The following CFAP97 variants were observed in gnomAD, a reference collection of about 807,000 sequenced individuals.
The protein encoded by CFAP97 is cilia and flagella associated protein 97, also known as cilia- and flagella-associated protein 97.
Under a neutral mutation model 43.1 loss-of-function variants are expected in CFAP97, and 36 were observed. That is an observed-to-expected ratio of 0.84 (90% CI 0.64 to 1.10). The LOEUF (loss-of-function observed/expected upper bound fraction) is 1.10, where lower values mean the gene tolerates loss of function less well. Ranked by LOEUF, CFAP97 falls within the 50% of genes least tolerant of loss-of-function variation. CFAP97 has a pLI of 0.00. For synonymous variants in CFAP97, 228 were observed against 225.7 expected (o/e 1.01, Z -0.09); for missense variants, 657 against 620.3 (o/e 1.06, Z -0.63).
intron 1 of CFAP97, among the ~76,000 whole-genome samples, chr4:185,196,981 C>T (rs1200029012): frequency 6.6e-6 from 1 of 151,670 alleles, no homozygotes; most frequent in Non-Finnish European, 1.5e-5. Flanking sequence ...CGCCTGTAAT[C>T]CCAGCTACTC....
intron 3 of CFAP97, chr4:185,169,577 A>G (rs952342075): frequency 2.0e-6 from 2 of 976,260 alleles, no homozygotes; most frequent in Non-Finnish European, 2.4e-6. Context: ...CACTTGTCCA[A>G]ACATTTATTT....
At chr4:185,198,442 TA>T (rs1413103207) in intron 1 of CFAP97, among the ~76,000 whole-genome samples, 169 of 100,918 alleles carry the variant, frequency 1.7e-3, no homozygotes, top group Admixed American at 1.9e-3. Context: ...GACTCTGTCT[TA>T]AAAAAAAAAA....
At chr4:185,189,930 T>C (rs190355457) in intron 2 of CFAP97, among the ~76,000 whole-genome samples, 24 of 152,358 alleles carry the variant, frequency 1.6e-4, no homozygotes, top group Admixed American at 1.5e-3. Flanking sequence ...ATAAAATTTG[T>C]ATTATACAAA....
intron 2 of CFAP97, among the ~76,000 whole-genome samples, chr4:185,181,281 AAATT>A (rs1209779415): frequency 6.6e-6 from 1 of 151,178 alleles, no homozygotes; most frequent in East Asian, 1.9e-4. Context: ...AAATAAAAAA[AAATT>A]AATTAAATAA....
At chr4:185,185,748 T>C (rs1735982490) in intron 2 of CFAP97, among the ~76,000 whole-genome samples, 1 of 149,050 alleles carries the variant, frequency 6.7e-6, no homozygotes, top group Non-Finnish European at 1.5e-5. Flanking sequence ...GAGATCCTCC[T>C]ATCTCAACCT....
At chr4:185,206,235 CG>C (rs1560882426), upstream of CFAP97, among the ~76,000 whole-genome samples, 1 of 152,070 alleles carries the variant, frequency 6.6e-6, no homozygotes, top group African/African-American at 2.4e-5. Context: ...AGCCAAAAGG[CG>C]GAAAAAACTC....
chr4:185,192,923 G>C (rs1308733530), intron 1 of CFAP97, among the ~76,000 whole-genome samples: 1 of 151,882 alleles, frequency 6.6e-6, no homozygotes. Context: ...TGTAGTTTTA[G>C]TAGAGACGGG....
chr4:185,162,508 C>A lies in CFAP97; in HGVS notation c.*290G>T. 1 of 350,966 alleles carries A rather than the reference C, an allele frequency of 2.8e-6. No individual in the cohort carries two copies. Among genetic ancestry groups the A allele is most frequent in the Non-Finnish European group, 5.3e-6 (1 of 189,724 alleles). The allele number at this position is 350,966 out of a possible 1,614,324, so 21.7% of individuals were successfully genotyped here. A position where few individuals can be genotyped will look rare whatever the true frequency, so the allele number is the denominator to read the frequency against. On this transcript the variant is annotated 3_prime_UTR_variant, in exon 5 of 5. Transcript: ENST00000458385. ...GGTACGACATGCAATGATACTATCA[C>A]TACTATTTTGACAGCATGACAACTG...
rs1737057327 is a variant in CFAP97, at chr4:185,203,902, G to T, written c.-21C>A. On this transcript the variant is annotated 5_prime_UTR_variant, in exon 1 of 5. Transcript: ENST00000458385. Reference sequence around the variant, plus strand: ...AGCCGCTCGCGCGCCCCTCACCTGAGAGCCGCGGCCACCACAGCCCCACGC... The same window carrying T: ...AGCCGCTCGCGCGCCCCTCACCTGATAGCCGCGGCCACCACAGCCCCACGC... The T allele has an allele frequency of 6.6e-6, 1 of 151,920 alleles. No individual in the cohort carries two copies. The highest frequency in any genetic ancestry group is 1.9e-4 in the East Asian group (1 of 5,166). The allele number at this position is 151,920 out of a possible 1,614,324, so 9.4% of individuals were successfully genotyped here.
chr4:185,162,086 C>T lies in CFAP97; in HGVS notation c.*712G>A. On this transcript the variant is annotated 3_prime_UTR_variant, in exon 5 of 5. Transcript: ENST00000458385. ...TCATTTCTAAGAGTCATAAATAGGACTTTACCTGAATGCATGAAAACACAA... is the reference window on the plus strand; with the variant it reads ...TCATTTCTAAGAGTCATAAATAGGATTTTACCTGAATGCATGAAAACACAA... The T allele has an allele frequency of 6.6e-6, 1 of 152,188 alleles. No homozygotes were observed. Among genetic ancestry groups the T allele is most frequent in the Non-Finnish European group, 1.5e-5 (1 of 68,050 alleles). The allele number at this position is 152,188 out of a possible 1,614,324, so 9.4% of individuals were successfully genotyped here. A position where few individuals can be genotyped will look rare whatever the true frequency, so the allele number is the denominator to read the frequency against.
At position 185,190,694 on chromosome 4, in the gene CFAP97, T is replaced by C; in HGVS notation, c.503A>G (p.Lys168Arg). 1 of 1,569,182 alleles carries C rather than the reference T, an allele frequency of 6.4e-7. No individual in the cohort carries two copies. Among genetic ancestry groups the C allele is most frequent in the Non-Finnish European group, 8.7e-7 (1 of 1,155,580 alleles). ...VKKSIRKKYCKVSSSSSSSLS... is the reference protein window; with the variant it reads ...VKKSIRKKYCRVSSSSSSSLS... ...AGAGGAGGAGGAAGAGGAGCTAACT[T>C]TGCAATACTTTTTCCTTATGCTTTT... The change falls in exon 2 of 5, where the codon AAA (lysine) becomes AGA (arginine). Residue 168 changes from lysine (K) to arginine (R), a missense_variant. Transcript: ENST00000458385.
intron 3 of CFAP97, among the ~76,000 whole-genome samples, chr4:185,170,952 C>T (rs191143051): frequency 8.0e-4 from 106 of 132,840 alleles, no homozygotes; most frequent in African/African-American, 3.0e-3. Flanking sequence ...GCCACTTACT[C>T]CAGCCTGGGC....
rs1257806774 is a variant in CFAP97 at position 185,162,384 on chromosome 4, T to C, written c.*414A>G. 1 of 175,486 alleles carries C rather than the reference T, an allele frequency of 5.7e-6. No individual in the cohort carries two copies. Among genetic ancestry groups the C allele is most frequent in the South Asian group, 1.2e-4 (1 of 8,360 alleles). 10.9% of individuals were successfully genotyped at this position (175,486 alleles called of 1,614,324 possible). A position where few individuals can be genotyped will look rare whatever the true frequency, so the allele number is the denominator to read the frequency against. ...CATGCCACATAAGTTCTAAAGCAAA[T>C]GAAAAACAAAGCCAGCCAAATTTAG... is the stretch of plus-strand genomic sequence containing the variant. On this transcript the variant is annotated 3_prime_UTR_variant, in exon 5 of 5. Coordinates refer to ENST00000458385, the MANE Select transcript of CFAP97 (RefSeq NM_020827.3).
At chr4:185,174,281 C>T (rs148052381) in intron 3 of CFAP97, among the ~76,000 whole-genome samples, 9 of 152,282 alleles carry the variant, frequency 5.9e-5, no homozygotes, top group African/African-American at 2.2e-4. Flanking sequence ...CAAATTTCCA[C>T]GAAACATGAA....
intron 2 of CFAP97, among the ~76,000 whole-genome samples, chr4:185,176,385 T>C (rs978321493): frequency 4.6e-5 from 7 of 152,122 alleles, no homozygotes; most frequent in Admixed American, 1.3e-4. Context: ...AGTGCTGGGA[T>C]TGCAGGTGTG....
At chr4:185,192,582 T>C (rs1736312962) in intron 1 of CFAP97, among the ~76,000 whole-genome samples, 1 of 151,116 alleles carries the variant, frequency 6.6e-6, no homozygotes, top group South Asian at 2.1e-4. Context: ...ACAGTTAAAT[T>C]AGAAACATCA....
Position 185,175,979 on chromosome 4 carries a change from T to C in CFAP97, c.1127A>G (p.Asn376Ser). 6.2e-7 allele frequency: 1 copy of C among 1,613,852 alleles called. No homozygotes were observed. The highest frequency in any genetic ancestry group is 8.5e-7 in the Non-Finnish European group (1 of 1,179,842). ...FDQPSVAPGKNYSFTREEVRQ... is the reference protein window; with the variant it reads ...FDQPSVAPGKSYSFTREEVRQ... ...CACCTCTTCTCTTGTGAAAGAGTAG[T>C]TTTTCCCGGGTGCTACTGAAGGCTG... Residue 376 changes from asparagine (N) to serine (S), a missense_variant, in exon 3 of 5, where the codon AAC becomes AGC. Asn to Ser is a conservative substitution (Grantham distance 46). Transcript: ENST00000458385.
In CFAP97 at chr4:185,177,878, G is replaced by T. The variant is rs1735618273; in HGVS notation, c.1055-1827C>A. ...AATAAATAAAAAATAAATAAAGTAAGTATGGTATAGAAAAGTTACATCACT... is the reference window on the plus strand; with the variant it reads ...AATAAATAAAAAATAAATAAAGTAATTATGGTATAGAAAAGTTACATCACT... On this transcript the variant is annotated intron_variant, in intron 2 of 4. Coordinates refer to ENST00000458385, the MANE Select transcript of CFAP97 (RefSeq NM_020827.3). Among the ~76,000 whole-genome samples the T allele has an allele frequency of 1.3e-5, 2 of 151,916 alleles. 1 individual carries two copies. Among genetic ancestry groups the T allele is most frequent in the African/African-American group, 4.8e-5 (2 of 41,380 alleles).
intron 1 of CFAP97, among the ~76,000 whole-genome samples, chr4:185,194,928 C>T (rs1175779136): frequency 1.3e-5 from 2 of 152,120 alleles, no homozygotes; most frequent in South Asian, 2.1e-4. Flanking sequence ...TGGGAGTCTG[C>T]TCAGTGGTTG....
Sources: allele counts gnomAD v4.1 joint callset (sites outside exome capture counted in the v4.1 genomes callset), GRCh38; gene constraint gnomAD v4.1.1; transcripts MANE v1.5; gene names NCBI Gene and HGNC (gene_info 2026-07-23, HGNC 2026-07-21).